Variants in ATXN7L1 observed in about 807,000 individuals in gnomAD.
The protein encoded by ATXN7L1 is ataxin 7 like 1.
Under a neutral mutation model 70.8 loss-of-function variants are expected in ATXN7L1, and 15 were observed. That is an observed-to-expected ratio of 0.21 (90% CI 0.14 to 0.33). The LOEUF is 0.33. ATXN7L1 is among the 10% of genes least tolerant of loss of function. The pLI is 1.00. For synonymous variants in ATXN7L1, 440 were observed against 445.1 expected (o/e 0.99, Z 0.14); for missense variants, 975 against 1,097.1 (o/e 0.89, Z 1.57).
At chr7:105,810,002 A>G (rs1405749070) in intron 2 of ATXN7L1, among the ~76,000 whole-genome samples, 1 of 152,102 alleles carries the variant, frequency 6.6e-6, no homozygotes. Flanking sequence ...GAATTCCAGG[A>G]CTCAAATGAT....
At chr7:105,730,106 G>C (rs954327696) in intron 3 of ATXN7L1, among the ~76,000 whole-genome samples, 5 of 152,102 alleles carry the variant, frequency 3.3e-5, no homozygotes, top group Non-Finnish European at 5.9e-5. Flanking sequence ...GGAAAAAGCA[G>C]GGCAGGAGAG....
At chr7:105,751,967 G>A (rs1040941316) in intron 3 of ATXN7L1, among the ~76,000 whole-genome samples, 3 of 152,190 alleles carry the variant, frequency 2.0e-5, no homozygotes, top group African/African-American at 7.2e-5. Context: ...AGCTCTCAAG[G>A]GAAGAAGCAG....
intron 3 of ATXN7L1, among the ~76,000 whole-genome samples, chr7:105,719,038 A>G (rs1216978612): frequency 6.6e-6 from 1 of 152,202 alleles, no homozygotes; most frequent in African/African-American, 2.4e-5. Flanking sequence ...CAAGACTAGG[A>G]AACAGACCAG....
intron 11 of ATXN7L1, among the ~76,000 whole-genome samples, chr7:105,609,206 A>G (rs962261733): frequency 2.0e-5 from 3 of 151,038 alleles, no homozygotes. Context: ...GTCTCACTCT[A>G]TTGCCCAGGC....
intron 3 of ATXN7L1, among the ~76,000 whole-genome samples, chr7:105,702,297 G>C (rs545463740): frequency 6.6e-6 from 1 of 152,186 alleles, no homozygotes; most frequent in African/African-American, 2.4e-5. Flanking sequence ...ACCCTATGGG[G>C]ACTGGTACAG....
At chr7:105,742,656 T>C (rs745427608) in intron 3 of ATXN7L1, among the ~76,000 whole-genome samples, 5 of 152,232 alleles carry the variant, frequency 3.3e-5, no homozygotes, top group African/African-American at 7.2e-5. Context: ...TACCACATGC[T>C]GAGGGCTTAC....
At position 105,759,148 on chromosome 7, in the gene ATXN7L1, T is replaced by A. The variant is rs534350490; in HGVS notation, c.355+29456A>T. Among the ~76,000 whole-genome samples the A allele has an allele frequency of 2.3e-3, 315 of 135,226 alleles. 3 individuals are homozygous for A. Among genetic ancestry groups the A allele is most frequent in the African/African-American group, 8.4e-3 (298 of 35,424 alleles). The allele number at this position is 135,226 out of a possible 152,430, so 88.7% of individuals were successfully genotyped here. A position where few individuals can be genotyped will look rare whatever the true frequency, so the allele number is the denominator to read the frequency against. On this transcript the variant is annotated intron_variant, in intron 3 of 11. Coordinates refer to ENST00000419735, the MANE Select transcript of ATXN7L1 (RefSeq NM_020725.2). ...AAATATTATTTAGTGGCCTTTTTTT[T>A]AGTTTATTCTTACTTTTTTTTTTTT...
At chr7:105,855,077 C>T (rs1815518593) in intron 2 of ATXN7L1, among the ~76,000 whole-genome samples, 1 of 152,006 alleles carries the variant, frequency 6.6e-6, no homozygotes, top group South Asian at 2.1e-4. Flanking sequence ...GCCTCAGCCT[C>T]CCAAGTAGCT....
chr7:105,738,481 A>G (rs1797657697), intron 3 of ATXN7L1, among the ~76,000 whole-genome samples: 1 of 152,238 alleles, frequency 6.6e-6, no homozygotes, highest in Non-Finnish European at 1.5e-5. Context: ...CTTACCAGCA[A>G]TATAACTAAA....
rs114628865 is a variant in ATXN7L1, at chr7:105,627,117, C to T, written c.1203-2850G>A. Among the ~76,000 whole-genome samples, 1,428 of 152,206 alleles carry T rather than the reference C, an allele frequency of 9.4e-3. 28 individuals are homozygous for T. Among genetic ancestry groups the T allele is most frequent in the African/African-American group, 0.032 (1,349 of 41,514 alleles). ...CTAACAGGCTCTCTCTCTATGAAGC[C>T]CTCTCCATCATGATAGGACCTCCTT... is the stretch of plus-strand genomic sequence containing the variant. On this transcript the variant is annotated intron_variant, in intron 7 of 11. Coordinates refer to ENST00000419735, the MANE Select transcript of ATXN7L1 (RefSeq NM_020725.2).
chr7:105,762,278 C>T lies in ATXN7L1; in HGVS notation c.355+26326G>A, dbSNP rs182673161. Among the ~76,000 whole-genome samples the T allele has an allele frequency of 8.9e-4, 135 of 152,320 alleles. 1 individual carries two copies. The East Asian group carries it at 0.023, about 26-fold the overall frequency. ...TCTTTACTCCTTGACACCCTTCTGC[C>T]TTCAATCCCTGTTCTTTTCCTACTG... On this transcript the variant is annotated intron_variant, in intron 3 of 11. Coordinates refer to ENST00000419735, the MANE Select transcript of ATXN7L1 (RefSeq NM_020725.2).
At chr7:105,636,966 A>G (rs1167959498) in intron 7 of ATXN7L1, among the ~76,000 whole-genome samples, 2 of 152,244 alleles carry the variant, frequency 1.3e-5, no homozygotes, top group Non-Finnish European at 2.9e-5. Flanking sequence ...AGAAGTTTGG[A>G]ACGGAATTGT....
At chr7:105,715,661 G>A (rs1248258237) in intron 3 of ATXN7L1, among the ~76,000 whole-genome samples, 3 of 152,220 alleles carry the variant, frequency 2.0e-5, no homozygotes, top group South Asian at 4.1e-4. Flanking sequence ...CAGGGACCAA[G>A]GAAATTCACA....
chr7:105,656,026 C>G (rs1298344472), intron 4 of ATXN7L1, among the ~76,000 whole-genome samples: 1 of 152,246 alleles, frequency 6.6e-6, no homozygotes, highest in Non-Finnish European at 1.5e-5. Context: ...TGATAAGGCC[C>G]AAAGAGAAGG....
chr7:105,631,818 T>C (rs1796639993), intron 7 of ATXN7L1, among the ~76,000 whole-genome samples: 1 of 152,214 alleles, frequency 6.6e-6, no homozygotes, highest in Admixed American at 6.5e-5. Context: ...GCCAGAGAAG[T>C]TGAACTGGAG....
chr7:105,735,962 T>C (rs969008318), intron 3 of ATXN7L1, among the ~76,000 whole-genome samples: 1 of 152,252 alleles, frequency 6.6e-6, no homozygotes, highest in Non-Finnish European at 1.5e-5. Flanking sequence ...TTATACTTAT[T>C]ATTTAATGAA....
intron 2 of ATXN7L1, among the ~76,000 whole-genome samples, chr7:105,812,145 C>A (rs1454854053): frequency 6.6e-6 from 1 of 152,172 alleles, no homozygotes; most frequent in Non-Finnish European, 1.5e-5. Flanking sequence ...CATCTCCTAT[C>A]CCGGGGTTGA....
chr7:105,855,265 T>G (rs1815557588), intron 2 of ATXN7L1, among the ~76,000 whole-genome samples: 1 of 152,242 alleles, frequency 6.6e-6, no homozygotes, highest in Non-Finnish European at 1.5e-5. Flanking sequence ...AATTTTAGGC[T>G]TTGTCTCAAC....
At chr7:105,847,566 A>G (rs764102948) in intron 2 of ATXN7L1, among the ~76,000 whole-genome samples, 13 of 152,176 alleles carry the variant, frequency 8.5e-5, no homozygotes, top group Non-Finnish European at 1.8e-4. Flanking sequence ...GGAAGACCTA[A>G]ACTGTAAAAC....
Sources: allele counts gnomAD v4.1 joint callset (sites outside exome capture counted in the v4.1 genomes callset), GRCh38; gene constraint gnomAD v4.1.1; transcripts MANE v1.5; gene names NCBI Gene and HGNC (gene_info 2026-07-23, HGNC 2026-07-21).